CAMTA1: variants seen among roughly 807,000 people sequenced by gnomAD.
CAMTA1 encodes calmodulin binding transcription activator 1.
CAMTA1 carries 27 observed loss-of-function variants against 170.9 expected under a neutral mutation model. That is an observed-to-expected ratio of 0.16 (90% CI 0.12 to 0.22). The LOEUF is 0.22. Among genes scored for constraint, CAMTA1 ranks in the 10% least tolerant of loss-of-function variants. The pLI is 1.00. For missense variants in CAMTA1, 1,619 were observed against 2,217.2 expected, an observed-to-expected ratio of 0.73 and a Z score of 5.42; for synonymous variants, 833 against 891.5, an observed-to-expected ratio of 0.93 and a Z score of 1.17.
At chr1:6,858,495 G>GC (rs202036152) in intron 3 of CAMTA1, among the ~76,000 whole-genome samples, 1,817 of 141,298 alleles carry the variant, frequency 0.013, 104 homozygotes, top group African/African-American at 0.044. Context: ...TTGGGGGGGG[G>GC]GTGTTGTGAT....
chr1:7,261,201 T>G (rs1668111477), intron 5 of CAMTA1, among the ~76,000 whole-genome samples: 1 of 152,238 alleles, frequency 6.6e-6, no homozygotes, highest in South Asian at 2.1e-4. Context: ...GCGGGTTCCT[T>G]CCTTCCCTCT....
intron 11 of CAMTA1, among the ~76,000 whole-genome samples, chr1:7,688,982 C>T (rs945668294): frequency 2.6e-5 from 4 of 152,170 alleles, no homozygotes; most frequent in African/African-American, 9.7e-5. Flanking sequence ...AAAAATCAGG[C>T]CGGGTGCAGT....
rs1246189508 is a variant in CAMTA1, at chr1:7,007,436, A to G, written c.235-83868A>G. Among the ~76,000 whole-genome samples, 1 of 152,192 alleles carries G rather than the reference A, an allele frequency of 6.6e-6. No homozygotes were observed. The highest frequency in any genetic ancestry group is 2.4e-5 in the African/African-American group (1 of 41,464). On this transcript the variant is annotated intron_variant, in intron 3 of 22. Coordinates refer to ENST00000303635, the MANE Select transcript of CAMTA1 (RefSeq NM_015215.4). This position sits in a 1 kb window ranked among gnomAD's most constrained non-coding sequence, Gnocchi z 4.5. ...CTATGAGCCAGCCTTGTGGGGCAAC[A>G]GAATGTCACACCCAGGTCCTTCCCT...
chr1:7,677,106 CAGA>C (rs2096129273), intron 10 of CAMTA1, among the ~76,000 whole-genome samples: 1 of 152,110 alleles, frequency 6.6e-6, no homozygotes, highest in African/African-American at 2.4e-5. Flanking sequence ...ATCGGGGAAG[CAGA>C]AGAACTAAAA....
At chr1:7,539,131 T>C (rs1004400240) in intron 6 of CAMTA1, among the ~76,000 whole-genome samples, 2 of 152,216 alleles carry the variant, frequency 1.3e-5, no homozygotes, top group Non-Finnish European at 2.9e-5. Context: ...AACCCACATA[T>C]AGAAATCTGG....
chr1:7,069,456 G>C (rs1157044339), intron 3 of CAMTA1, among the ~76,000 whole-genome samples: 1 of 152,172 alleles, frequency 6.6e-6, no homozygotes, highest in Non-Finnish European at 1.5e-5. Flanking sequence ...GATGCAGGGG[G>C]CCTGGCACGG....
At chr1:6,795,069 GA>G (rs1253732243) in intron 1 of CAMTA1, among the ~76,000 whole-genome samples, 1 of 152,064 alleles carries the variant, frequency 6.6e-6, no homozygotes, top group Non-Finnish European at 1.5e-5. Flanking sequence ...ACTCATTTTT[GA>G]AAGTTATGCC....
At chr1:6,931,952 A>G (rs1051563628) in intron 3 of CAMTA1, among the ~76,000 whole-genome samples, 2 of 152,240 alleles carry the variant, frequency 1.3e-5, no homozygotes, top group African/African-American at 4.8e-5. Context: ...TCCTGGGCTT[A>G]TAACACCTGT....
At chr1:7,706,956 G>A (rs369101395) in intron 11 of CAMTA1, among the ~76,000 whole-genome samples, 10 of 139,812 alleles carry the variant, frequency 7.2e-5, no homozygotes, top group African/African-American at 1.3e-4. Context: ...GCATGATCCC[G>A]GCTCACCACA....
intron 3 of CAMTA1, among the ~76,000 whole-genome samples, chr1:6,879,645 GCT>G (rs1356787652): frequency 1.7e-5 from 2 of 117,612 alleles, no homozygotes; most frequent in African/African-American, 3.2e-5. Context: ...CAAGGTTCTT[GCT>G]CTGTCACCCA....
intron 7 of CAMTA1, among the ~76,000 whole-genome samples, chr1:7,654,721 A>G (rs921753869): frequency 1.0e-4 from 15 of 142,884 alleles, no homozygotes; most frequent in African/African-American, 3.7e-4. Context: ...ACACCCACCT[A>G]TACACACACC....
intron 3 of CAMTA1, among the ~76,000 whole-genome samples, chr1:7,060,698 C>T (rs1352918329): frequency 2.0e-5 from 3 of 150,726 alleles, no homozygotes; most frequent in African/African-American, 4.9e-5. Context: ...CTTCCTGTCC[C>T]TTGACTTTTT....
At chr1:7,049,560 G>A (rs554583390) in intron 3 of CAMTA1, among the ~76,000 whole-genome samples, 60 of 152,188 alleles carry the variant, frequency 3.9e-4, no homozygotes, top group African/African-American at 1.3e-3. Context: ...GGGTGCAAGC[G>A]ATTCTTCTGA....
At chr1:7,730,946 A>G (rs996857950) in intron 11 of CAMTA1, among the ~76,000 whole-genome samples, 1 of 148,610 alleles carries the variant, frequency 6.7e-6, no homozygotes, top group Non-Finnish European at 1.5e-5. Context: ...ATATATATAT[A>G]TTTAACATAT....
chr1:7,291,234 G>C (rs1055004018), intron 5 of CAMTA1, among the ~76,000 whole-genome samples: 3 of 152,140 alleles, frequency 2.0e-5, no homozygotes, highest in African/African-American at 4.8e-5. Context: ...AGAGACAAAG[G>C]GGGTGCTGGA....
At chr1:7,148,338 C>T (rs1464320436) in intron 4 of CAMTA1, among the ~76,000 whole-genome samples, 2 of 152,016 alleles carry the variant, frequency 1.3e-5, no homozygotes, top group African/African-American at 4.8e-5. Flanking sequence ...ACACACCACA[C>T]ACTCAAACAT....
chr1:7,335,124 T>TTGTGTGTGTGTGGGTGTGTGTGTGTG (rs2083273754), intron 5 of CAMTA1, among the ~76,000 whole-genome samples: 1 of 19,178 alleles, frequency 5.2e-5, no homozygotes, highest in African/African-American at 2.0e-4. Context: ...AGCACAGCTT[T>TTGTGTGTGTGTGGGTGTGTGTGTGTG]TGTGTGTGTG....
intron 6 of CAMTA1, among the ~76,000 whole-genome samples, chr1:7,475,513 T>C (rs1322702520): frequency 6.6e-6 from 1 of 152,246 alleles, no homozygotes; most frequent in Non-Finnish European, 1.5e-5. Flanking sequence ...CCAGACCCTC[T>C]GCGCACCATC....
In CAMTA1 at chr1:7,766,513, A is replaced by G. The variant is rs375358898; in HGVS notation, c.*22A>G. On this transcript the variant is annotated 3_prime_UTR_variant, in exon 23 of 23. Transcript: ENST00000303635. ...TTGAAGACATACAGCAGCATCCCTT[A>G]GCAATGTGACATTGCTTTTCAGACT... 1.2e-6 allele frequency: 2 copies of G among 1,611,988 alleles called. No homozygotes were observed. Among genetic ancestry groups the G allele is most frequent in the African/African-American group, 2.7e-5 (2 of 74,880 alleles).
Sources: gnomAD v4.1 joint callset for allele counts (sites outside exome capture counted in the v4.1 genomes callset) on GRCh38, gnomAD v4.1.1 for gene constraint, Gnocchi (gnomAD v3.1) non-coding constraint, MANE v1.5 for transcripts, NCBI Gene and HGNC (gene_info 2026-07-23, HGNC 2026-07-21) for gene names.